The following GPNMB variants were observed in gnomAD, a reference collection of about 807,000 sequenced individuals.
GPNMB encodes transmembrane glycoprotein NMB.
In GPNMB, 71 loss-of-function variants were observed where a neutral mutation model predicts 57.3. The observed-to-expected ratio is 1.24, with a 90% CI of 1.02 to 1.51. GPNMB has a LOEUF of 1.51. Among genes scored for constraint, GPNMB ranks in the 40% most tolerant of loss-of-function variants. The pLI is 0.00. For missense variants in GPNMB, 677 were observed against 691.9 expected (o/e 0.98, Z 0.24); for synonymous variants, 253 against 263.2 (o/e 0.96, Z 0.38).
chr7:23,260,696 C>T lies in GPNMB; in HGVS notation c.941C>T (p.Thr314Ile), dbSNP rs1349083078. Residue 314 changes from threonine (T) to isoleucine (I), a missense_variant, in exon 6 of 11, where the codon ACT becomes ATT. By Grantham distance (89) the Thr-to-Ile change is moderately conservative. Coordinates refer to ENST00000258733, the MANE Select transcript of GPNMB (RefSeq NM_002510.3). ...AATGGAACCTTCAGCCTTAACCTCACTGTGAAAGCTGCAGCACCAGGACCT... is the reference window on the plus strand; with the variant it reads ...AATGGAACCTTCAGCCTTAACCTCATTGTGAAAGCTGCAGCACCAGGACCT... ...VLNGTFSLNL[T>I]VKAAAPGPCP... 2.5e-6 allele frequency: 4 copies of T among 1,610,116 alleles called. No homozygotes were observed. The highest frequency in any genetic ancestry group is 1.7e-5 in the Admixed American group (1 of 59,784).
intron 9 of GPNMB, among the ~76,000 whole-genome samples, chr7:23,271,670 C>T (rs1329258065): frequency 6.6e-6 from 1 of 151,980 alleles, no homozygotes; most frequent in African/African-American, 2.4e-5. Context: ...GTGGTGGGCG[C>T]CTGTAGTCCC....
chr7:23,258,163 C>G (rs1782827007), intron 4 of GPNMB: 1 of 152,138 alleles, frequency 6.6e-6, no homozygotes, highest in South Asian at 2.1e-4. Flanking sequence ...CTGCTAAATT[C>G]TTAGTTTAAA....
intron 6 of GPNMB, among the ~76,000 whole-genome samples, chr7:23,263,164 T>G (rs997849007): frequency 1.3e-5 from 2 of 152,234 alleles, no homozygotes; most frequent in African/African-American, 4.8e-5. Context: ...TTAGGTTGTT[T>G]AATGTTAGTC....
chr7:23,247,202 G>C (rs1191549641), intron 1 of GPNMB: 3 of 444,962 alleles, frequency 6.7e-6, no homozygotes. Context: ...ACCCATTCTT[G>C]CCAGACAGTG....
intron 1 of GPNMB, chr7:23,250,618 C>G (rs1394238674): frequency 1.3e-5 from 2 of 152,192 alleles, no homozygotes; most frequent in South Asian, 4.1e-4. Context: ...TTTCTGGATT[C>G]TCTCTTCTAT....
intron 1 of GPNMB, among the ~76,000 whole-genome samples, chr7:23,250,076 T>C (rs1438907519): frequency 1.3e-5 from 2 of 152,252 alleles, no homozygotes; most frequent in Non-Finnish European, 2.9e-5. Flanking sequence ...AATGAAATGG[T>C]GAAATATCAT....
chr7:23,247,035 C>T, intron 1 of GPNMB, 108 bp downstream of exon 1: 1 of 840,436 alleles, frequency 1.2e-6, no homozygotes, highest in East Asian at 2.4e-5. Context: ...CTTCAGGAAG[C>T]TTTCATCTCT....
intron 7 of GPNMB, 27 bp from the exon 8 acceptor site, chr7:23,267,859 G>A: frequency 1.4e-6 from 2 of 1,410,596 alleles, no homozygotes; most frequent in Non-Finnish European, 2.0e-6. Context: ...ATTTTGATGT[G>A]TTTTTCTCTG....
chr7:23,253,966 T>C (rs964441006), intron 2 of GPNMB, among the ~76,000 whole-genome samples: 2 of 152,232 alleles, frequency 1.3e-5, no homozygotes, highest in African/African-American at 4.8e-5. Flanking sequence ...TAGAGAATTC[T>C]TAACTGGTCT....
chr7:23,249,025 C>T (rs148250094), intron 1 of GPNMB, among the ~76,000 whole-genome samples: 3 of 152,308 alleles, frequency 2.0e-5, no homozygotes, highest in African/African-American at 7.2e-5. Context: ...CTCAGTCCTC[C>T]CTTGGCCTCC....
chr7:23,260,552 T>C lies in GPNMB; in HGVS notation c.797T>C (p.Leu266Pro). ...GATCTCCCCATTATGTTTGATGTCC[T>C]GATTCATGATCCTAGCCACTTCCTC... ...LKDLPIMFDV[L>P]IHDPSHFLNY... Residue 266 changes from leucine to proline, a missense_variant, in exon 6 of 11, where the codon CTG becomes CCG. Leu to Pro is a moderately conservative substitution (Grantham distance 98, BLOSUM62 -3). Coordinates refer to ENST00000258733, the MANE Select transcript of GPNMB (RefSeq NM_002510.3). The C allele has an allele frequency of 6.2e-7, 1 of 1,613,696 alleles. No homozygotes were observed. The highest frequency in any genetic ancestry group is 8.5e-7 in the Non-Finnish European group (1 of 1,179,590).
In GPNMB at chr7:23,274,155, C is replaced by T. The variant is rs377512856; in HGVS notation, c.1614C>T (p.Ala538=). The T allele has an allele frequency of 6.9e-5, 112 of 1,613,854 alleles. No homozygotes were observed. In the Admixed American group the frequency reaches 9.3e-4, roughly 13 times the overall value. ...GLSVFLNRAK[A]VFFPGNQEKD... The stretch of plus-strand genomic sequence containing the variant: ...GTGTCTTTCTCAACCGTGCAAAAGC[C>T]GTGTTCTTCCCGGGAAACCAGGAAA... The change falls in exon 11 of 11, where the codon GCC becomes GCT. Residue 538 remains alanine (A), a synonymous_variant. Coordinates refer to ENST00000258733, the MANE Select transcript of GPNMB (RefSeq NM_002510.3).
rs1474567465 is a variant in GPNMB at position 23,247,161 on chromosome 7, CT to C, written c.70+236del. ...AAAGTAAAAACTATGCTGCCCTTCTCTTGTGAAGCTTCTTTTCCATTGCAAT... is the reference window on the plus strand; with the variant it reads ...AAAGTAAAAACTATGCTGCCCTTCTCTGTGAAGCTTCTTTTCCATTGCAAT... On this transcript the variant is annotated intron_variant, in intron 1 of 10. Coordinates refer to ENST00000258733, the MANE Select transcript of GPNMB (RefSeq NM_002510.3). 9.3e-6 allele frequency: 5 copies of C among 536,690 alleles called. No individual in the cohort carries two copies. In the African/African-American group the frequency reaches 9.6e-5, roughly 10 times the overall value. The allele number at this position is 536,690 out of a possible 1,614,324, so 33.2% of individuals were successfully genotyped here.
intron 1 of GPNMB, chr7:23,247,183 G>A (rs1434484358): frequency 2.0e-6 from 1 of 494,746 alleles, no homozygotes; most frequent in Non-Finnish European, 3.7e-6. Flanking sequence ...CTTTTCCATT[G>A]CAATTGCAAC....
At position 23,257,060 on chromosome 7, in the gene GPNMB, C is replaced by T; in HGVS notation, c.536C>T (p.Thr179Ile). 6.2e-7 allele frequency: 1 copy of T among 1,613,900 alleles called. No individual in the cohort carries two copies. Among genetic ancestry groups the T allele is most frequent in the South Asian group, 1.1e-5 (1 of 91,082 alleles). Residue 179 changes from threonine (T) to isoleucine (I), a missense_variant, in exon 4 of 11, where the codon ACA becomes ATA. Transcript: ENST00000258733. ...TGGAATTTCATCTACGTCTTCCACA[C>T]ACTTGGTTGGCTTTTACAAACCCCT... ...RRWNFIYVFH[T>I]LGQYFQKLGR...
intron 1 of GPNMB, among the ~76,000 whole-genome samples, chr7:23,250,231 T>C (rs79829581): frequency 0.038 from 5,771 of 152,272 alleles, 377 homozygotes; most frequent in African/African-American, 0.13. Context: ...GCTTGCCTTT[T>C]CATCCTCTTT....
At chr7:23,252,294 G>T (rs1015865025) in intron 1 of GPNMB, among the ~76,000 whole-genome samples, 2 of 152,222 alleles carry the variant, frequency 1.3e-5, no homozygotes, top group Non-Finnish European at 1.5e-5. Context: ...AAAAGGCAGA[G>T]ATTGCCAGAC....
At chr7:23,248,202 G>A (rs973477800) in intron 1 of GPNMB, among the ~76,000 whole-genome samples, 4 of 152,186 alleles carry the variant, frequency 2.6e-5, no homozygotes, top group African/African-American at 9.7e-5. Context: ...CTTGGCGTGA[G>A]AGACGTGCAT....
At position 23,260,497 on chromosome 7, in the gene GPNMB, C is replaced by G; in HGVS notation, c.742C>G (p.Arg248Gly). ...TGTGACTATGTTCCAGAAGAACGATCGAAATTCATCCGACGAAACCTTCCT... is the reference window on the plus strand; with the variant it reads ...TGTGACTATGTTCCAGAAGAACGATGGAAATTCATCCGACGAAACCTTCCT... Reference protein sequence around the residue: ...VFVTMFQKNDRNSSDETFLKD... With the variant: ...VFVTMFQKNDGNSSDETFLKD... The change falls in exon 6 of 11, where the codon CGA becomes GGA. Residue 248 changes from arginine (R) to glycine (G), a missense_variant. Arg to Gly is a moderately radical substitution (Grantham distance 125, BLOSUM62 -2). Transcript: ENST00000258733. The G allele has an allele frequency of 5.0e-6, 8 of 1,613,688 alleles. No homozygotes were observed. Among genetic ancestry groups the G allele is most frequent in the Middle Eastern group, 1.7e-4 (1 of 6,060 alleles).
Sources: gnomAD v4.1 joint callset for allele counts (sites outside exome capture counted in the v4.1 genomes callset) on GRCh38, gnomAD v4.1.1 for gene constraint, MANE v1.5 for transcripts, NCBI Gene and HGNC (gene_info 2026-07-23, HGNC 2026-07-21) for gene names.